GDAP1: variants seen among roughly 807,000 people sequenced by gnomAD.
GDAP1 encodes the protein ganglioside induced differentiation associated protein 1.
In GDAP1, 34 loss-of-function variants were observed where a neutral mutation model predicts 40.1. That is an observed-to-expected ratio of 0.85 (90% confidence interval 0.64 to 1.13). The LOEUF (loss-of-function observed/expected upper bound fraction) is 1.13, where lower values mean the gene tolerates loss of function less well. Among genes scored for constraint, GDAP1 ranks in the 50% most tolerant of loss-of-function variants. The pLI is 0.00. For synonymous variants in GDAP1, 170 were observed against 157.4 expected (o/e 1.08, Z -0.60); for missense variants, 374 against 433.7 (o/e 0.86, Z 1.22).
intron 2 of GDAP1, among the ~76,000 whole-genome samples, chr8:74,378,330 G>T (rs1406667246): frequency 6.6e-6 from 1 of 152,180 alleles, no homozygotes; most frequent in East Asian, 1.9e-4. Flanking sequence ...AATGGGAGAA[G>T]TGGGGCCAGA....
Position 74,366,279 on chromosome 8 carries a change from C to T in GDAP1, c.*1912C>T. On this transcript the variant is annotated 3_prime_UTR_variant, in exon 6 of 6. Coordinates refer to ENST00000220822, the MANE Select transcript of GDAP1 (RefSeq NM_018972.4). ...AGGTGTTTGTTTAGGGATACAATGA[C>T]CACTAGATGTCGCTGTTTATCCAGT... 2.2e-6 allele frequency: 1 copy of T among 454,412 alleles called. No homozygotes were observed. Among genetic ancestry groups the T allele is most frequent in the Non-Finnish European group, 4.4e-6 (1 of 226,762 alleles). 28.1% of individuals were successfully genotyped at this position (454,412 alleles called of 1,614,324 possible).
chr8:74,400,328 C>G (rs1389049441), intron 2 of GDAP1, among the ~76,000 whole-genome samples: 6 of 149,766 alleles, frequency 4.0e-5, no homozygotes, highest in Admixed American at 6.6e-5. Context: ...CTCTTTCGAT[C>G]TTTGTTGGAT....
chr8:74,466,166 T>TA (rs919371883), intron 2 of GDAP1, among the ~76,000 whole-genome samples: 1 of 152,130 alleles, frequency 6.6e-6, no homozygotes, highest in South Asian at 2.1e-4. Context: ...TATGACTTCA[T>TA]AAAAAAATGT....
chr8:74,438,317 G>A (rs1388578822), intron 2 of GDAP1, among the ~76,000 whole-genome samples: 6 of 151,932 alleles, frequency 3.9e-5, no homozygotes, highest in Admixed American at 3.9e-4. Flanking sequence ...TAATGAGTAC[G>A]TGCACTTCCA....
At chr8:74,475,209 T>C (rs879280744) in intron 2 of GDAP1, among the ~76,000 whole-genome samples, 4 of 152,136 alleles carry the variant, frequency 2.6e-5, no homozygotes, top group Non-Finnish European at 4.4e-5. Context: ...ATCTATCTTA[T>C]TATTATTTTT....
intron 2 of GDAP1, among the ~76,000 whole-genome samples, chr8:74,437,615 C>A (rs1269520230): frequency 6.6e-6 from 1 of 151,974 alleles, no homozygotes; most frequent in Admixed American, 6.6e-5. Flanking sequence ...TGTTTTCATT[C>A]ATATATCTAT....
At chr8:74,363,765 C>T (rs370274018) in intron 5 of GDAP1, among the ~76,000 whole-genome samples, 5 of 152,298 alleles carry the variant, frequency 3.3e-5, no homozygotes, top group Admixed American at 6.5e-5. Context: ...GGCTGACAGA[C>T]GTCAAGCAAG....
At chr8:74,446,751 A>G (rs997517714) in intron 2 of GDAP1, among the ~76,000 whole-genome samples, 2 of 152,224 alleles carry the variant, frequency 1.3e-5, no homozygotes, top group African/African-American at 4.8e-5. Context: ...GTACTGATAC[A>G]TGTTACAACA....
intron 2 of GDAP1, among the ~76,000 whole-genome samples, chr8:74,443,905 T>C (rs1481722197): frequency 6.6e-6 from 1 of 152,172 alleles, no homozygotes; most frequent in Non-Finnish European, 1.5e-5. Context: ...CCAGCTGTTT[T>C]TCTTTCCTGG....
At chr8:74,389,486 G>A (rs910816477) in intron 2 of GDAP1, among the ~76,000 whole-genome samples, 1 of 152,182 alleles carries the variant, frequency 6.6e-6, no homozygotes, top group South Asian at 2.1e-4. Flanking sequence ...TTTTCTTTAG[G>A]AGTGTTGAAT....
chr8:74,359,439 A>G (rs1000931498), intron 2 of GDAP1, among the ~76,000 whole-genome samples: 2 of 152,230 alleles, frequency 1.3e-5, no homozygotes, highest in African/African-American at 4.8e-5. Context: ...ATAAGGATGT[A>G]TGTAGAACCC....
At chr8:74,395,583 T>G (rs1222666489) in intron 2 of GDAP1, among the ~76,000 whole-genome samples, 2 of 152,338 alleles carry the variant, frequency 1.3e-5, no homozygotes, top group East Asian at 3.9e-4. Context: ...CACACAATCC[T>G]GCTTTCATAT....
In GDAP1 at chr8:74,470,514, T is replaced by C. The variant is rs76436459; in HGVS notation, c.166-18164T>C. 3.3e-3 allele frequency among the ~76,000 whole-genome samples: 510 copies of C among 152,336 alleles called. 4 individuals carry two copies. The highest frequency in any genetic ancestry group is 0.012 in the African/African-American group (479 of 41,572). On this transcript the variant is annotated intron_variant, in intron 2 of 2. Coordinates refer to the GDAP1 transcript ENST00000523640. ...TGAGAACATGTGGTGTCTGGTTTTTTGTCCTTGCGATAGTTTGCTGAGAAT... is the reference window on the plus strand; with the variant it reads ...TGAGAACATGTGGTGTCTGGTTTTTCGTCCTTGCGATAGTTTGCTGAGAAT...
Position 74,437,908 on chromosome 8 carries a change from C to A in GDAP1, c.166-50770C>A, listed in dbSNP as rs555478085. Among the ~76,000 whole-genome samples, 56 of 152,284 alleles carry A rather than the reference C, an allele frequency of 3.7e-4. No individual in the cohort carries two copies. In the South Asian group the frequency reaches 0.011, roughly 31 times the overall value. ...GGCTTTCACTTTTAACACAGTGCTG[C>A]AATAAACATTCTTGCACATGTGCAC... On this transcript the variant is annotated intron_variant, in intron 2 of 2. Coordinates refer to the GDAP1 transcript ENST00000523640.
At chr8:74,432,430 C>T (rs1294564854) in intron 2 of GDAP1, among the ~76,000 whole-genome samples, 2 of 152,146 alleles carry the variant, frequency 1.3e-5, no homozygotes. Flanking sequence ...ATATTTGTCA[C>T]TTAAACTCTG....
At chr8:74,470,941 T>G (rs375904229) in intron 2 of GDAP1, among the ~76,000 whole-genome samples, 2 of 152,242 alleles carry the variant, frequency 1.3e-5, no homozygotes, top group East Asian at 3.8e-4. Flanking sequence ...ATGATCGCCA[T>G]TCTAACTGGT....
intron 2 of GDAP1, among the ~76,000 whole-genome samples, chr8:74,483,190 G>A (rs528823003): frequency 6.6e-6 from 1 of 152,190 alleles, no homozygotes; most frequent in South Asian, 2.1e-4. Flanking sequence ...AGATCAATAA[G>A]ACACTGAGCT....
chr8:74,454,600 A>G (rs1301514406), intron 2 of GDAP1, among the ~76,000 whole-genome samples: 3 of 83,566 alleles, frequency 3.6e-5, no homozygotes, highest in African/African-American at 5.2e-5. Flanking sequence ...TGTTCTTCCA[A>G]ATAAACTCAA....
intron 2 of GDAP1, among the ~76,000 whole-genome samples, chr8:74,480,429 A>G (rs1806696807): frequency 6.6e-6 from 1 of 152,230 alleles, no homozygotes; most frequent in Non-Finnish European, 1.5e-5. Context: ...GAAGTTCAGG[A>G]AATGGATACT....
Sources: gnomAD v4.1 joint callset for allele counts (sites outside exome capture counted in the v4.1 genomes callset) on GRCh38, gnomAD v4.1.1 for gene constraint, MANE v1.5 for transcripts, NCBI Gene and HGNC (gene_info 2026-07-23, HGNC 2026-07-21) for gene names.